The following CD80 variants were observed in gnomAD, a reference collection of about 807,000 sequenced individuals.
CD80 encodes the protein T-lymphocyte activation antigen CD80.
A neutral mutation model predicts 27.1 loss-of-function variants in CD80; 13 were observed. That is an observed-to-expected ratio of 0.48 (90% CI 0.31 to 0.76). CD80 has a LOEUF of 0.76. Ranked by LOEUF, CD80 falls within the 30% of genes least tolerant of loss-of-function variation. The pLI is 0.04. For missense variants in CD80, 277 were observed against 347.9 expected (o/e 0.80, Z 1.62); for synonymous variants, 125 against 125.5 (o/e 1.00, Z 0.03).
At chr3:119,529,242 A>C (rs2082096724) in intron 5 of CD80, among the ~76,000 whole-genome samples, 1 of 152,050 alleles carries the variant, frequency 6.6e-6, no homozygotes, top group African/African-American at 2.4e-5. Flanking sequence ...GAGCCACCCC[A>C]CCCAGCCCAA....
chr3:119,557,855 G>A lies in CD80; in HGVS notation c.-127C>T. 2.0e-6 allele frequency: 1 copy of A among 510,002 alleles called. No homozygotes were observed. The highest frequency in any genetic ancestry group is 3.6e-5 in the South Asian group (1 of 27,832). The allele number at this position is 510,002 out of a possible 1,614,324, so 31.6% of individuals were successfully genotyped here. ...AATTGCTCACGTAGAAGACCCTCCA[G>A]TGATGTTTACAAAACACACAGAGAT... On this transcript the variant is annotated 5_prime_UTR_variant, in exon 2 of 7. Transcript: ENST00000264246.
intron 3 of CD80, among the ~76,000 whole-genome samples, chr3:119,542,768 A>G (rs1312042561): frequency 6.6e-6 from 1 of 152,222 alleles, no homozygotes; most frequent in Non-Finnish European, 1.5e-5. Flanking sequence ...GCCCTTTCCC[A>G]AAGCAGACCT....
intron 2 of CD80, among the ~76,000 whole-genome samples, chr3:119,552,206 C>A (rs1306646221): frequency 6.6e-6 from 1 of 152,146 alleles, no homozygotes; most frequent in Non-Finnish European, 1.5e-5. Context: ...ATGGACCTCT[C>A]GGCCGGGCGT....
chr3:119,526,145 T>C (rs909068567), intron 6 of CD80, among the ~76,000 whole-genome samples: 3 of 152,132 alleles, frequency 2.0e-5, no homozygotes, highest in African/African-American at 7.2e-5. Flanking sequence ...CTCTTCTATG[T>C]GTGGGGCTCT....
Position 119,557,783 on chromosome 3 carries a change from A to C in CD80, c.-55T>G, listed in dbSNP as rs2082272390. ...AGCCAACAATTTGGACCCAAGTAAGACCAGGGCACTTCCCAGGTGCAAAAC... is the reference window on the plus strand; with the variant it reads ...AGCCAACAATTTGGACCCAAGTAAGCCCAGGGCACTTCCCAGGTGCAAAAC... On this transcript the variant is annotated 5_prime_UTR_variant, in exon 2 of 7. Transcript: ENST00000264246. 3 of 1,313,196 alleles carry C rather than the reference A, an allele frequency of 2.3e-6. No individual in the cohort carries two copies. In the Middle Eastern group the frequency reaches 6.2e-4, roughly 270 times the overall value. The allele number at this position is 1,313,196 out of a possible 1,614,324, so 81.3% of individuals were successfully genotyped here. A position where few individuals can be genotyped will look rare whatever the true frequency, so the allele number is the denominator to read the frequency against.
rs961848488 is a variant in CD80, at chr3:119,546,232, G to A, written c.101-1365C>T. Among the ~76,000 whole-genome samples, 8 of 152,144 alleles carry A rather than the reference G, an allele frequency of 5.3e-5. 1 individual carries two copies. In the South Asian group the frequency reaches 1.7e-3, roughly 31 times the overall value. ...TAACACAATACCACCCCCAAGAGAAGTCAGTCCTGACTAAGGTTCTGGGTA... is the reference window on the plus strand; with the variant it reads ...TAACACAATACCACCCCCAAGAGAAATCAGTCCTGACTAAGGTTCTGGGTA... On this transcript the variant is annotated intron_variant, in intron 2 of 6. Coordinates refer to ENST00000264246, the MANE Select transcript of CD80 (RefSeq NM_005191.4).
At chr3:119,551,836 T>A (rs866481996) in intron 2 of CD80, among the ~76,000 whole-genome samples, 1 of 152,220 alleles carries the variant, frequency 6.6e-6, no homozygotes, top group African/African-American at 2.4e-5. Context: ...CACACCCCCA[T>A]AGGACCAGCA....
chr3:119,551,482 T>G (rs756016344), intron 2 of CD80, among the ~76,000 whole-genome samples: 3 of 152,160 alleles, frequency 2.0e-5, no homozygotes, highest in Non-Finnish European at 2.9e-5. Flanking sequence ...AGGATGGTTT[T>G]GGCCTCCTTC....
At chr3:119,531,756 C>T (rs756868200) in intron 4 of CD80, among the ~76,000 whole-genome samples, 2 of 151,990 alleles carry the variant, frequency 1.3e-5, no homozygotes, top group Non-Finnish European at 2.9e-5. Context: ...CTCTGCCTCC[C>T]GAGTTCAAGG....
In CD80 at chr3:119,542,183, G is replaced by A. The variant is rs375081277; in HGVS notation, c.418+2367C>T. Among the ~76,000 whole-genome samples, 119 of 151,114 alleles carry A rather than the reference G, an allele frequency of 7.9e-4. 2 individuals are homozygous for A. The South Asian group carries it at 0.023, about 29-fold the overall frequency. On this transcript the variant is annotated intron_variant, in intron 3 of 6. Transcript: ENST00000264246. Reference sequence around the variant, plus strand: ...TCAGGAGTCAATGCAGGTGAAAATCGTGGAAGAGGTAGGCTTCTTAGTACC... The same window carrying A: ...TCAGGAGTCAATGCAGGTGAAAATCATGGAAGAGGTAGGCTTCTTAGTACC...
chr3:119,554,552 A>G (rs1264421120), intron 2 of CD80, among the ~76,000 whole-genome samples: 1 of 152,090 alleles, frequency 6.6e-6, no homozygotes, highest in African/African-American at 2.4e-5. Context: ...AGAGGGGGAG[A>G]GGAGCCTGGC....
intron 2 of CD80, among the ~76,000 whole-genome samples, chr3:119,548,118 T>C (rs2082211292): frequency 6.6e-6 from 1 of 152,026 alleles, no homozygotes; most frequent in African/African-American, 2.4e-5. Context: ...GTAGCTGGGA[T>C]TACAGGCGCC....
chr3:119,552,591 G>A (rs1045973856), intron 2 of CD80, among the ~76,000 whole-genome samples: 2 of 151,038 alleles, frequency 1.3e-5, no homozygotes, highest in Non-Finnish European at 2.9e-5. Flanking sequence ...CCAGCACTTT[G>A]GGAGCTGGCC....
intron 4 of CD80, 59 bp downstream of exon 4, chr3:119,537,078 G>C (rs746927560): frequency 1.4e-5 from 19 of 1,405,010 alleles, no homozygotes; most frequent in Non-Finnish European, 1.8e-5. Context: ...TAAATGACAC[G>C]ACTATATTGT....
chr3:119,553,590 C>A (rs2082246080), intron 2 of CD80, among the ~76,000 whole-genome samples: 1 of 152,164 alleles, frequency 6.6e-6, no homozygotes, highest in South Asian at 2.1e-4. Flanking sequence ...CTGCAGTGCC[C>A]CTCCCAGGGA....
chr3:119,543,294 C>T (rs2107744339), intron 3 of CD80, among the ~76,000 whole-genome samples: 1 of 152,294 alleles, frequency 6.6e-6, no homozygotes, highest in Middle Eastern at 3.4e-3. Context: ...CTTTCCGAGA[C>T]CAGAAATGCT....
chr3:119,534,386 A>AG (rs1560054265), intron 4 of CD80, among the ~76,000 whole-genome samples: 1 of 148,668 alleles, frequency 6.7e-6, no homozygotes, highest in African/African-American at 2.4e-5. Flanking sequence ...AAAAAAAAAA[A>AG]GAAAAAGAAA....
intron 3 of CD80, among the ~76,000 whole-genome samples, chr3:119,539,729 G>A (rs1381781102): frequency 1.4e-5 from 2 of 143,646 alleles, no homozygotes; most frequent in Non-Finnish European, 3.1e-5. Flanking sequence ...CATGAATGTA[G>A]GGATTCAATC....
At chr3:119,542,263 C>T (rs1057374620) in intron 3 of CD80, among the ~76,000 whole-genome samples, 2 of 152,020 alleles carry the variant, frequency 1.3e-5, no homozygotes, top group African/African-American at 4.8e-5. Flanking sequence ...AGAGAAAACA[C>T]TGAGTGAAGT....
Sources: gnomAD v4.1 joint callset for allele counts (sites outside exome capture counted in the v4.1 genomes callset) on GRCh38, gnomAD v4.1.1 for gene constraint, MANE v1.5 for transcripts, NCBI Gene and HGNC (gene_info 2026-07-23, HGNC 2026-07-21) for gene names.